Variants in HS3ST4 observed in about 807,000 individuals in gnomAD.
The protein encoded by HS3ST4 is heparan sulfate glucosamine 3-O-sulfotransferase 4.
Under a neutral mutation model 29.2 loss-of-function variants are expected in HS3ST4, and 17 were observed. That is an observed-to-expected ratio of 0.58 (90% CI 0.40 to 0.87). The LOEUF (loss-of-function observed/expected upper bound fraction) is 0.87, where lower values mean the gene tolerates loss of function less well. Among genes scored for constraint, HS3ST4 ranks in the 40% least tolerant of loss-of-function variants. HS3ST4 has a pLI of 0.00. For missense variants in HS3ST4, 627 were observed against 634.5 expected (o/e 0.99, Z 0.13); for synonymous variants, 314 against 285.7 (o/e 1.10, Z -1.00).
intron 1 of HS3ST4, among the ~76,000 whole-genome samples, chr16:25,931,354 C>T (rs1386887686): frequency 2.0e-5 from 3 of 152,304 alleles, no homozygotes; most frequent in Middle Eastern, 3.4e-3. Context: ...AACGAATGTC[C>T]CCCTGACCTT....
Position 26,117,764 on chromosome 16 carries a change from A to C in HS3ST4, c.735-17848A>C, listed in dbSNP as rs115892255. Among the ~76,000 whole-genome samples, 661 of 152,308 alleles carry C rather than the reference A, an allele frequency of 4.3e-3. 6 individuals carry two copies. Among genetic ancestry groups the C allele is most frequent in the African/African-American group, 0.015 (624 of 41,560 alleles). ...AGTGTGTATGCTTGTGAAAATGTGAAGCTGCATATCCAGAAGGAGCCATTT... is the reference window on the plus strand; with the variant it reads ...AGTGTGTATGCTTGTGAAAATGTGACGCTGCATATCCAGAAGGAGCCATTT... On this transcript the variant is annotated intron_variant, in intron 1 of 1. Coordinates refer to ENST00000331351, the MANE Select transcript of HS3ST4 (RefSeq NM_006040.3).
chr16:25,897,597 C>T (rs1017310755), intron 1 of HS3ST4, among the ~76,000 whole-genome samples: 1 of 152,150 alleles, frequency 6.6e-6, no homozygotes, highest in African/African-American at 2.4e-5. Flanking sequence ...GCTCTGGCCT[C>T]TTTACAGAAC....
intron 1 of HS3ST4, among the ~76,000 whole-genome samples, chr16:26,000,271 T>C (rs1330633479): frequency 6.6e-6 from 1 of 152,140 alleles, no homozygotes; most frequent in East Asian, 1.9e-4. Context: ...CCTCTCTTTC[T>C]CTCTGTCACA....
At chr16:26,013,470 CGT>C (rs1969330939) in intron 1 of HS3ST4, among the ~76,000 whole-genome samples, 1 of 152,026 alleles carries the variant, frequency 6.6e-6, no homozygotes, top group African/African-American at 2.4e-5. Context: ...AGAATTCCAC[CGT>C]AATTACTCCT....
intron 1 of HS3ST4, among the ~76,000 whole-genome samples, chr16:25,873,670 A>G (rs578249725): frequency 0.013 from 1,903 of 148,656 alleles, 23 homozygotes; most frequent in Middle Eastern, 0.038. Flanking sequence ...CCATCCATCC[A>G]TCCATCCATC....
chr16:26,088,316 G>A (rs1274044417), intron 1 of HS3ST4, among the ~76,000 whole-genome samples: 2 of 152,176 alleles, frequency 1.3e-5, no homozygotes, highest in African/African-American at 4.8e-5. Context: ...TTTATGTGAT[G>A]ATGTTTTGTT....
At chr16:25,816,909 G>A (rs1967097627) in intron 1 of HS3ST4, among the ~76,000 whole-genome samples, 1 of 151,944 alleles carries the variant, frequency 6.6e-6, no homozygotes, top group African/African-American at 2.4e-5. Flanking sequence ...TCCCACTCCC[G>A]AGATAACCCA....
intron 1 of HS3ST4, among the ~76,000 whole-genome samples, chr16:25,853,250 G>A (rs979484084): frequency 6.6e-5 from 10 of 151,834 alleles, no homozygotes; most frequent in African/African-American, 2.4e-4. Flanking sequence ...CAACTTTACT[G>A]TATTTTTTCA....
chr16:26,046,656 T>C (rs1481803030), intron 1 of HS3ST4, among the ~76,000 whole-genome samples: 4 of 152,118 alleles, frequency 2.6e-5, no homozygotes, highest in African/African-American at 9.7e-5. Context: ...TCTTTAAGAC[T>C]CAGGAGGATT....
At chr16:25,860,772 T>C (rs1258642924) in intron 1 of HS3ST4, among the ~76,000 whole-genome samples, 1 of 152,192 alleles carries the variant, frequency 6.6e-6, no homozygotes, top group African/African-American at 2.4e-5. Context: ...AATTACTCTG[T>C]ATGATACTAC....
chr16:25,895,885 C>T (rs1311665750), intron 1 of HS3ST4, among the ~76,000 whole-genome samples: 1 of 152,132 alleles, frequency 6.6e-6, no homozygotes, highest in Non-Finnish European at 1.5e-5. Context: ...GCTTCAATAT[C>T]TGAATTTCAA....
At chr16:25,984,781 T>C (rs778412919) in intron 1 of HS3ST4, among the ~76,000 whole-genome samples, 4 of 152,210 alleles carry the variant, frequency 2.6e-5, no homozygotes, top group East Asian at 1.9e-4. Context: ...ATTGTGTATA[T>C]ACACCACATT....
chr16:25,961,898 G>T (rs575290412), intron 1 of HS3ST4, among the ~76,000 whole-genome samples: 6 of 152,174 alleles, frequency 3.9e-5, no homozygotes, highest in Non-Finnish European at 7.3e-5. Context: ...TTATACTACT[G>T]TCTAGCTCCC....
chr16:25,886,824 G>A (rs1323842653), intron 1 of HS3ST4: 1 of 152,276 alleles, frequency 6.6e-6, no homozygotes, highest in East Asian at 1.9e-4. Context: ...GTGGGAGCCT[G>A]ACCCTGGAGA....
intron 1 of HS3ST4, among the ~76,000 whole-genome samples, chr16:25,965,970 C>T (rs1373583592): frequency 6.6e-6 from 1 of 152,190 alleles, no homozygotes; most frequent in Non-Finnish European, 1.5e-5. Context: ...TGAACCATTG[C>T]ACCTGGCCCC....
chr16:25,890,615 A>G (rs139092303), intron 1 of HS3ST4, among the ~76,000 whole-genome samples: 1 of 152,306 alleles, frequency 6.6e-6, no homozygotes, highest in East Asian at 1.9e-4. Flanking sequence ...TGGCTTTTCC[A>G]TCATGGAATC....
intron 1 of HS3ST4, among the ~76,000 whole-genome samples, chr16:25,934,850 C>A (rs1481805727): frequency 3.3e-5 from 5 of 152,050 alleles, no homozygotes; most frequent in Non-Finnish European, 5.9e-5. Flanking sequence ...ACAGAGATTT[C>A]TCATATATTC....
At chr16:26,108,663 G>A (rs1432865617) in intron 1 of HS3ST4, among the ~76,000 whole-genome samples, 1 of 152,156 alleles carries the variant, frequency 6.6e-6, no homozygotes, top group Non-Finnish European at 1.5e-5. Flanking sequence ...GATTAATTGA[G>A]TTTATTCTTG....
chr16:25,721,302 T>C (rs1966492897), intron 1 of HS3ST4, among the ~76,000 whole-genome samples: 1 of 152,192 alleles, frequency 6.6e-6, no homozygotes, highest in Non-Finnish European at 1.5e-5. Flanking sequence ...AAGTCCTGTC[T>C]AACCTTAGGG....
Sources: allele counts gnomAD v4.1 joint callset (sites outside exome capture counted in the v4.1 genomes callset), GRCh38; gene constraint gnomAD v4.1.1; transcripts MANE v1.5; gene names NCBI Gene and HGNC (gene_info 2026-07-23, HGNC 2026-07-21).